NKTR: variants seen among roughly 807,000 people sequenced by gnomAD.
NKTR encodes natural killer cell triggering receptor, also known as NK-tumor recognition protein.
In NKTR, 67 loss-of-function variants were observed where a neutral mutation model predicts 156.3. That is an observed-to-expected ratio of 0.43 (90% CI 0.35 to 0.53). NKTR has a LOEUF of 0.53. Ranked by LOEUF, NKTR falls within the 20% of genes least tolerant of loss-of-function variation. The pLI, the probability that NKTR is intolerant of heterozygous loss-of-function variation, is 0.01. For missense variants in NKTR, 1,604 were observed against 1,730.9 expected (o/e 0.93, Z 1.30); for synonymous variants, 640 against 596.6 (o/e 1.07, Z -1.06).
Position 42,638,659 on chromosome 3 carries a change from T to A in NKTR, c.2955T>A (p.Leu985=). 6.2e-7 allele frequency: 1 copy of A among 1,611,544 alleles called. No individual in the cohort carries two copies. The highest frequency in any genetic ancestry group is 8.5e-7 in the Non-Finnish European group (1 of 1,179,426). The change falls in exon 13 of 17, where the codon CTT becomes CTA. Residue 985 remains leucine (L), a synonymous_variant. Transcript: ENST00000232978. ...QKHKHGSKEN[L]KREHTKKVKE... ...ACAAACATGGGTCAAAGGAAAATCTTAAAAGAGAACACACCAAAAAAGTGA... is the reference window on the plus strand; with the variant it reads ...ACAAACATGGGTCAAAGGAAAATCTAAAAAGAGAACACACCAAAAAAGTGA...
intron 16 of NKTR, among the ~76,000 whole-genome samples, chr3:42,645,385 C>T (rs980986328): frequency 4.6e-5 from 7 of 152,212 alleles, no homozygotes; most frequent in Non-Finnish European, 8.8e-5. Context: ...AAAACAGCTT[C>T]AAAAAGTCCA....
In NKTR at chr3:42,637,837, T is replaced by G; in HGVS notation, c.2133T>G (p.Ser711Arg). The change falls in exon 13 of 17, where the codon AGT (serine) becomes AGG (arginine). Residue 711 changes from serine to arginine, a missense_variant. By Grantham distance (110) the Ser-to-Arg change is moderately radical. Transcript: ENST00000232978. ...SYSRSYTRSR[S>R]LASSHSRSRS... Reference sequence around the variant, plus strand: ...CCAGATCATATACAAGATCACGTAGTCTAGCTAGTTCACATTCAAGGTCTA... The same window carrying G: ...CCAGATCATATACAAGATCACGTAGGCTAGCTAGTTCACATTCAAGGTCTA... 1 of 1,613,834 alleles carries G rather than the reference T, an allele frequency of 6.2e-7. No individual in the cohort carries two copies. The highest frequency in any genetic ancestry group is 8.5e-7 in the Non-Finnish European group (1 of 1,179,818).
At chr3:42,617,510 C>T (rs1376296620) in intron 2 of NKTR, 60 bp from the exon 3 acceptor site, 2 of 822,628 alleles carry the variant, frequency 2.4e-6, no homozygotes, top group Admixed American at 2.0e-5. Context: ...TTTCTTTCTC[C>T]CATTTAAATG....
chr3:42,645,040 T>C (rs997830429), intron 16 of NKTR, among the ~76,000 whole-genome samples: 2 of 152,126 alleles, frequency 1.3e-5, no homozygotes, highest in Admixed American at 6.5e-5. Context: ...TGAATGTTTT[T>C]CAAAATAACT....
intron 2 of NKTR, among the ~76,000 whole-genome samples, chr3:42,603,374 A>AAAC (rs1559546266): frequency 7.0e-6 from 1 of 142,118 alleles, no homozygotes; most frequent in African/African-American, 2.9e-5. Flanking sequence ...AAAAAAAAAA[A>AAAC]AAAAAAAAAA....
chr3:42,633,323 T>G, intron 9 of NKTR: 6 of 1,227,282 alleles, frequency 4.9e-6, no homozygotes, highest in Non-Finnish European at 6.2e-6. Flanking sequence ...ATTACAGGTG[T>G]GAGCCACAAT....
intron 2 of NKTR, among the ~76,000 whole-genome samples, chr3:42,611,806 C>T (rs1009905437): frequency 3.3e-5 from 5 of 152,056 alleles, no homozygotes; most frequent in African/African-American, 4.8e-5. Flanking sequence ...TATTGATTCC[C>T]ACTATGAAGT....
intron 5 of NKTR, 35 bp downstream of exon 5, chr3:42,619,743 T>C (rs1483637083): frequency 1.2e-6 from 2 of 1,604,786 alleles, no homozygotes; most frequent in Non-Finnish European, 1.7e-6. Context: ...TTTGTTTCAG[T>C]TCTGATATTA....
intron 13 of NKTR, among the ~76,000 whole-genome samples, chr3:42,640,067 A>G (rs1187785978): frequency 1.3e-5 from 2 of 152,228 alleles, no homozygotes; most frequent in African/African-American, 4.8e-5. Context: ...GTGATGCCTT[A>G]GAAGGGAATC....
At chr3:42,604,683 TTTTTTTTTTTTTTTTG>T (rs1360391593) in intron 2 of NKTR, among the ~76,000 whole-genome samples, 2 of 86,224 alleles carry the variant, frequency 2.3e-5, no homozygotes, top group Admixed American at 1.2e-4. Context: ...TTTTTTTTTT[TTTTTTTTTTTTTTTTG>T]AGACTGAGTC....
intron 2 of NKTR, among the ~76,000 whole-genome samples, chr3:42,606,252 C>T (rs1706222198): frequency 6.6e-6 from 1 of 152,124 alleles, no homozygotes; most frequent in African/African-American, 2.4e-5. Context: ...CCTTGTCCCC[C>T]CCAGTTCCCA....
At chr3:42,612,691 A>G (rs1394006122) in intron 2 of NKTR, among the ~76,000 whole-genome samples, 1 of 152,170 alleles carries the variant, frequency 6.6e-6, no homozygotes, top group East Asian at 1.9e-4. Context: ...TTTGCTAGGT[A>G]TAGAATTCTT....
rs1212928659 is a variant in NKTR at position 42,633,752 on chromosome 3, A to G, written c.929+17A>G. On this transcript the variant is annotated intron_variant, in intron 10 of 16. Transcript: ENST00000232978. ...ACCTGAACCGTAAGTAGGATGACTAAACTATTTATTTTTATTTCTCCGATA... is the reference window on the plus strand; with the variant it reads ...ACCTGAACCGTAAGTAGGATGACTAGACTATTTATTTTTATTTCTCCGATA... 3 of 1,613,450 alleles carry G rather than the reference A, an allele frequency of 1.9e-6. No homozygotes were observed. Among genetic ancestry groups the G allele is most frequent in the South Asian group, 1.1e-5 (1 of 91,044 alleles).
intron 9 of NKTR, 21 bp from the exon 10 acceptor site, chr3:42,633,559 A>G (rs1709109399): frequency 3.1e-6 from 5 of 1,598,796 alleles, no homozygotes; most frequent in Admixed American, 1.8e-5. Context: ...CATTTTAATC[A>G]GTGACTTGGT....
At chr3:42,604,757 TG>T (rs2125758064) in intron 2 of NKTR, among the ~76,000 whole-genome samples, 1 of 140,816 alleles carries the variant, frequency 7.1e-6, no homozygotes, top group South Asian at 2.4e-4. Flanking sequence ...GGCATGATCT[TG>T]GCTCACCACA....
At chr3:42,627,954 T>A in intron 6 of NKTR, 1 of 985,384 alleles carries the variant, frequency 1.0e-6, no homozygotes, top group Non-Finnish European at 1.2e-6. Flanking sequence ...TTTAGTAGAA[T>A]TGAATAGTCT....
At chr3:42,617,438 A>AT (rs1707481764) in intron 2 of NKTR, 132 bp from the exon 3 acceptor site, 1 of 571,096 alleles carries the variant, frequency 1.8e-6, no homozygotes, top group Admixed American at 3.1e-5. Context: ...ATGCTTTCCC[A>AT]TTACATCTTT....
At chr3:42,624,759 A>G (rs1708221636) in intron 6 of NKTR, among the ~76,000 whole-genome samples, 1 of 152,180 alleles carries the variant, frequency 6.6e-6, no homozygotes, top group Non-Finnish European at 1.5e-5. Context: ...AGAAGCATCA[A>G]ACATTTTGCT....
intron 5 of NKTR, 114 bp downstream of exon 5, chr3:42,619,822 ATGC>A (rs1396042725): frequency 4.0e-6 from 6 of 1,516,864 alleles, no homozygotes; most frequent in Middle Eastern, 2.1e-4. Flanking sequence ...CATGAAACTA[ATGC>A]TGCATGAAAA....
Sources: gnomAD v4.1 joint callset for allele counts (sites outside exome capture counted in the v4.1 genomes callset) on GRCh38, gnomAD v4.1.1 for gene constraint, MANE v1.5 for transcripts, NCBI Gene and HGNC (gene_info 2026-07-23, HGNC 2026-07-21) for gene names.